The following AKR1E2 variants were observed in gnomAD, a reference collection of about 807,000 sequenced individuals.
The protein encoded by AKR1E2 is aldo-keto reductase family 1 member E2.
AKR1E2 carries 43 observed loss-of-function variants against 41.9 expected under a neutral mutation model. The ratio of observed to expected loss-of-function variants is 1.03; its 90% CI spans 0.80 to 1.32. AKR1E2 has a LOEUF of 1.32. Among genes scored for constraint, AKR1E2 ranks in the 40% most tolerant of loss-of-function variants. AKR1E2 has a pLI of 0.00. For synonymous variants in AKR1E2, 121 were observed against 138.9 expected, an observed-to-expected ratio of 0.87 and a Z score of 0.91; for missense variants, 423 against 396.5, an observed-to-expected ratio of 1.07 and a Z score of -0.57.
At chr10:4,856,938 A>G in the AKR1E2 span, among the ~76,000 whole-genome samples, 136,087 of 152,066 alleles carry the variant, frequency 0.89, 61,777 homozygotes, top group East Asian at 0.98. Flanking sequence ...ACCATCATCC[A>G]CTTCCAGAGT....
chr10:4,857,132 A>C, the AKR1E2 span, among the ~76,000 whole-genome samples: 1 of 152,136 alleles, frequency 6.6e-6, no homozygotes, highest in Non-Finnish European at 1.5e-5. Context: ...TTCACTTACC[A>C]TATTGTTTTC....
intron 5 of AKR1E2, among the ~76,000 whole-genome samples, chr10:4,839,321 G>C (rs1247560195): frequency 2.0e-5 from 3 of 152,190 alleles, no homozygotes; most frequent in Admixed American, 6.5e-5. Context: ...CTATCTTCAT[G>C]AGGCTTAGAT....
chr10:4,865,781 G>A, the AKR1E2 span, among the ~76,000 whole-genome samples: 1 of 152,136 alleles, frequency 6.6e-6, no homozygotes. Flanking sequence ...GGTAGGACTT[G>A]AGCCTTTAAT....
chr10:4,836,010 A>G (rs995441157), intron 4 of AKR1E2, among the ~76,000 whole-genome samples: 3 of 152,186 alleles, frequency 2.0e-5, no homozygotes, highest in Non-Finnish European at 2.9e-5. Flanking sequence ...GGTATGGTGC[A>G]GTTCTCTTGA....
chr10:4,835,612 C>T (rs1055775784), intron 3 of AKR1E2, 63 bp from the exon 4 acceptor site: 13 of 1,453,238 alleles, frequency 8.9e-6, no homozygotes, highest in Non-Finnish European at 1.2e-5. Flanking sequence ...GGTCTCCTGA[C>T]ACATGGTTTT....
In AKR1E2 at chr10:4,847,746, G is replaced by T. The variant is rs1243362353; in HGVS notation, c.*216G>T. 22 of 583,030 alleles carry T rather than the reference G, an allele frequency of 3.8e-5. No individual in the cohort carries two copies. The East Asian group carries it at 6.0e-4, about 16-fold the overall frequency. The allele number at this position is 583,030 out of a possible 1,614,324, so 36.1% of individuals were successfully genotyped here. Reference sequence around the variant, plus strand: ...GGGTTTCTCCAAGACAGCCTGTGTGGCCTCTACTCTGAACAAATACACTGA... The same window carrying T: ...GGGTTTCTCCAAGACAGCCTGTGTGTCCTCTACTCTGAACAAATACACTGA... On this transcript the variant is annotated 3_prime_UTR_variant, in exon 10 of 10. Coordinates refer to ENST00000298375, the MANE Select transcript of AKR1E2 (RefSeq NM_001040177.3).
intron 2 of AKR1E2, among the ~76,000 whole-genome samples, chr10:4,832,833 G>A (rs940744831): frequency 2.0e-5 from 3 of 152,038 alleles, no homozygotes; most frequent in African/African-American, 7.2e-5. Context: ...TAAAATGAGG[G>A]GAAAAACACA....
chr10:4,866,691 A>G, the AKR1E2 span, among the ~76,000 whole-genome samples: 1 of 130,696 alleles, frequency 7.7e-6, no homozygotes, highest in Non-Finnish European at 1.5e-5. Flanking sequence ...CCCAGGCTGG[A>G]GTGCAGTGGC....
At chr10:4,830,944 A>C in intron 2 of AKR1E2, 102 bp downstream of exon 2, 1 of 1,380,324 alleles carries the variant, frequency 7.2e-7, no homozygotes, top group Non-Finnish European at 1.0e-6. Context: ...TTTCATACTC[A>C]AATCGGAATA....
rs748631440 is a variant in AKR1E2 at position 4,835,735 on chromosome 10, C to G, written c.385C>G (p.Arg129Gly). 6.2e-7 allele frequency: 1 copy of G among 1,614,074 alleles called. No individual in the cohort carries two copies. The highest frequency in any genetic ancestry group is 1.3e-5 in the African/African-American group (1 of 74,926). The change falls in exon 4 of 10, where the codon CGA becomes GGA. Residue 129 changes from arginine to glycine, a missense_variant. By Grantham distance (125) the Arg-to-Gly change is moderately radical. Coordinates refer to ENST00000298375, the MANE Select transcript of AKR1E2 (RefSeq NM_001040177.3). The stretch of plus-strand genomic sequence containing the variant: ...ACTTTCCTTCTGCCTCTCACATCCT[C>G]GAGTGCAGGACTTGCCTCTGGACGA... The part of the protein sequence containing the change: ...SELSFCLSHP[R>G]VQDLPLDESN...
intron 1 of AKR1E2, among the ~76,000 whole-genome samples, chr10:4,828,473 T>C (rs550124310): frequency 6.6e-6 from 1 of 152,330 alleles, no homozygotes; most frequent in African/African-American, 2.4e-5. Flanking sequence ...CTCCCTGCTG[T>C]TGTAGATTTA....
chr10:4,845,381 T>C (rs1389405528), intron 8 of AKR1E2, among the ~76,000 whole-genome samples: 1 of 151,902 alleles, frequency 6.6e-6, no homozygotes, highest in Non-Finnish European at 1.5e-5. Context: ...AACGGTGGGC[T>C]GAAGGGCTCC....
chr10:4,841,419 G>C (rs933641661), intron 6 of AKR1E2, among the ~76,000 whole-genome samples: 1 of 152,118 alleles, frequency 6.6e-6, no homozygotes, highest in African/African-American at 2.4e-5. Context: ...ATATCGATTC[G>C]CTGTGCTGTG....
intron 9 of AKR1E2, 83 bp downstream of exon 9, chr10:4,847,313 A>G: frequency 6.3e-7 from 1 of 1,590,392 alleles, no homozygotes; most frequent in Non-Finnish European, 8.6e-7. Context: ...TTTATCATAC[A>G]CATTTTAGAT....
intron 8 of AKR1E2, among the ~76,000 whole-genome samples, chr10:4,844,870 G>A (rs1248582586): frequency 1.3e-5 from 2 of 152,190 alleles, no homozygotes; most frequent in Non-Finnish European, 2.9e-5. Context: ...GATCCCGCAC[G>A]GGGCCGCAGG....
rs201719486 is a variant in AKR1E2, at chr10:4,835,802, C to T, written c.452C>T (p.Thr151Met). 17 of 1,613,918 alleles carry T rather than the reference C, an allele frequency of 1.1e-5. No individual in the cohort carries two copies. Among genetic ancestry groups the T allele is most frequent in the Admixed American group, 3.3e-5 (2 of 60,012 alleles). Residue 151 changes from threonine to methionine, a missense_variant, in exon 4 of 10, where the codon ACG (threonine) becomes ATG (methionine). Thr to Met is a moderately conservative substitution (Grantham distance 81). Coordinates refer to ENST00000298375, the MANE Select transcript of AKR1E2 (RefSeq NM_001040177.3). ...CCCAGTGACACGGACTTCCTGGACA[C>T]GTGGGAGGTGAGCTGAGCCACACCA... ...VIPSDTDFLD[T>M]WEAMEDLVIT...
chr10:4,857,112 C>G, the AKR1E2 span, among the ~76,000 whole-genome samples: 1 of 152,154 alleles, frequency 6.6e-6, no homozygotes, highest in East Asian at 1.9e-4. Flanking sequence ...CCTTTTTATG[C>G]CTGGCTTATT....
At chr10:4,849,519 A>G (rs756941448), downstream of AKR1E2, among the ~76,000 whole-genome samples, 21 of 152,192 alleles carry the variant, frequency 1.4e-4, no homozygotes, top group Admixed American at 6.5e-4. Context: ...TCTAACTGCT[A>G]TTTTGTGAAT....
chr10:4,835,622 T>TTTTTGTTTCG, intron 3 of AKR1E2, 53 bp from the exon 4 acceptor site: 1 of 1,553,832 alleles, frequency 6.4e-7, no homozygotes, highest in Admixed American at 1.9e-5. Context: ...CACATGGTTT[T>TTTTTGTTTCG]TTTTGTTTTG....
Sources: gnomAD v4.1 joint callset for allele counts (sites outside exome capture counted in the v4.1 genomes callset) on GRCh38, gnomAD v4.1.1 for gene constraint, MANE v1.5 for transcripts, NCBI Gene and HGNC (gene_info 2026-07-23, HGNC 2026-07-21) for gene names.